PIGL: variants seen among roughly 807,000 people sequenced by gnomAD.
PIGL encodes N-acetylglucosaminyl-phosphatidylinositol de-N-acetylase.
Under a neutral mutation model 31.1 loss-of-function variants are expected in PIGL, and 22 were observed. The ratio of observed to expected loss-of-function variants is 0.71; its 90% CI spans 0.51 to 1.01. PIGL has a LOEUF of 1.01. Ranked by LOEUF, PIGL falls within the 50% of genes least tolerant of loss-of-function variation. PIGL has a pLI of 0.00. For synonymous variants in PIGL, 131 were observed against 117.4 expected (o/e 1.12, Z -0.75); for missense variants, 302 against 315.9 (o/e 0.96, Z 0.33).
intron 2 of PIGL, among the ~76,000 whole-genome samples, chr17:16,234,536 G>C (rs967453850): frequency 2.6e-5 from 4 of 152,186 alleles, no homozygotes; most frequent in African/African-American, 9.7e-5. Flanking sequence ...GGCCGAGGTG[G>C]GCAGATCACC....
chr17:16,286,158 A>G (rs1476869046), intron 2 of PIGL, among the ~76,000 whole-genome samples: 1 of 152,214 alleles, frequency 6.6e-6, no homozygotes, highest in Non-Finnish European at 1.5e-5. Context: ...CTTGCGCTGT[A>G]CAAGCCACAA....
chr17:16,287,451 A>G (rs943683971), intron 2 of PIGL, among the ~76,000 whole-genome samples: 2 of 152,248 alleles, frequency 1.3e-5, no homozygotes, highest in African/African-American at 4.8e-5. Context: ...TCCATCTGTC[A>G]GTGGCTTCTG....
At position 16,317,210 on chromosome 17, in the gene PIGL, A is replaced by G. The variant is rs369219749; in HGVS notation, c.526+498A>G. The G allele has an allele frequency of 7.0e-5, 70 of 1,005,248 alleles. 2 individuals are homozygous for G. In the East Asian group the frequency reaches 1.6e-3, roughly 23 times the overall value. The allele number at this position is 1,005,248 out of a possible 1,614,324, so 62.3% of individuals were successfully genotyped here. ...CTCACCGGCGCAATACGAAGATTCAATGAATGAAAACGTAAGTAGTTTGTG... is the reference window on the plus strand; with the variant it reads ...CTCACCGGCGCAATACGAAGATTCAGTGAATGAAAACGTAAGTAGTTTGTG... On this transcript the variant is annotated intron_variant, in intron 5 of 6. Transcript: ENST00000225609.
chr17:16,277,116 C>A (rs1487286856), intron 2 of PIGL, among the ~76,000 whole-genome samples: 1 of 152,142 alleles, frequency 6.6e-6, no homozygotes, highest in Admixed American at 6.6e-5. Context: ...TTACTTACCA[C>A]AGGTCAAGAA....
chr17:16,285,877 A>C (rs540231027), intron 2 of PIGL, among the ~76,000 whole-genome samples: 1 of 151,854 alleles, frequency 6.6e-6, no homozygotes, highest in Non-Finnish European at 1.5e-5. Context: ...CCCTGCTGCA[A>C]CCTCCCTGCA....
At chr17:16,316,093 C>T (rs2093075895) in intron 4 of PIGL, among the ~76,000 whole-genome samples, 2 of 152,110 alleles carry the variant, frequency 1.3e-5, no homozygotes, top group Admixed American at 6.6e-5. Context: ...CCCCTGCTCC[C>T]AAGAGTCTCT....
At chr17:16,300,024 A>G (rs752848130) in intron 3 of PIGL, 46 bp downstream of exon 3, 1 of 1,434,664 alleles carries the variant, frequency 7.0e-7, no homozygotes, top group East Asian at 2.3e-5. Context: ...TCTTGGTCCC[A>G]TTCACACCAG....
intron 4 of PIGL, among the ~76,000 whole-genome samples, chr17:16,315,484 T>TC: frequency 6.6e-6 from 1 of 151,924 alleles, no homozygotes; most frequent in South Asian, 2.1e-4. Context: ...GGCCCCTTGG[T>TC]CCCCCTGTCC....
intron 2 of PIGL, among the ~76,000 whole-genome samples, chr17:16,266,910 G>T (rs867142486): frequency 7.2e-5 from 10 of 138,760 alleles, no homozygotes; most frequent in South Asian, 2.4e-4. Context: ...TTTTTTTGGG[G>T]GGGGGGGGGT....
intron 2 of PIGL, among the ~76,000 whole-genome samples, chr17:16,265,107 T>C (rs899088186): frequency 6.6e-6 from 1 of 152,154 alleles, no homozygotes; most frequent in South Asian, 2.1e-4. Context: ...TATTTTTTTC[T>C]GTATGAGAAG....
intron 2 of PIGL, among the ~76,000 whole-genome samples, chr17:16,259,505 C>T (rs1349924565): frequency 1.3e-5 from 2 of 151,680 alleles, no homozygotes; most frequent in Non-Finnish European, 2.9e-5. Flanking sequence ...GACCCTGTCT[C>T]TATTCAAAAA....
At chr17:16,242,809 G>A (rs537898136) in intron 2 of PIGL, among the ~76,000 whole-genome samples, 1 of 151,440 alleles carries the variant, frequency 6.6e-6, no homozygotes, top group African/African-American at 2.4e-5. Context: ...GTAAAGATGG[G>A]GTTTCACCAT....
intron 2 of PIGL, among the ~76,000 whole-genome samples, chr17:16,270,210 A>G (rs1420315491): frequency 1.3e-5 from 2 of 150,622 alleles, no homozygotes; most frequent in Admixed American, 1.3e-4. Flanking sequence ...AATTGCTTGA[A>G]CCCAGGAGGC....
chr17:16,236,710 G>A (rs1163453823), intron 2 of PIGL, among the ~76,000 whole-genome samples: 2 of 151,914 alleles, frequency 1.3e-5, no homozygotes, highest in Non-Finnish European at 2.9e-5. Flanking sequence ...TGGGATTACA[G>A]GTACACGCCA....
At chr17:16,325,222 G>A (rs1312456662) in intron 6 of PIGL, among the ~76,000 whole-genome samples, 2 of 150,830 alleles carry the variant, frequency 1.3e-5, no homozygotes, top group African/African-American at 4.9e-5. Flanking sequence ...GCAGGTGCCT[G>A]TAGTCCCAGC....
chr17:16,233,993 G>T lies in PIGL; in HGVS notation c.258G>T (p.Glu86Asp), dbSNP rs750008015. The T allele has an allele frequency of 2.5e-6, 4 of 1,607,892 alleles. No homozygotes were observed. The African/African-American group carries it at 5.4e-5, about 22-fold the overall frequency. ...FSAGNYYNQG[E>D]TRKKELLQSC... The stretch of plus-strand genomic sequence containing the variant: ...CAGGAAATTACTACAATCAAGGAGA[G>T]ACTCGTAAGAAAGAACTTTTGCAGA... Residue 86 changes from glutamate to aspartate, a missense_variant, in exon 2 of 7, where the codon GAG becomes GAT. Physicochemically the swap from Glu to Asp is conservative, Grantham distance 45 (BLOSUM62 2). Coordinates refer to ENST00000225609, the MANE Select transcript of PIGL (RefSeq NM_004278.4).
intron 2 of PIGL, among the ~76,000 whole-genome samples, chr17:16,239,650 T>TG (rs2092714688): frequency 6.6e-6 from 1 of 152,158 alleles, no homozygotes; most frequent in Admixed American, 6.6e-5. Flanking sequence ...GTTTTGTGCT[T>TG]CAGAATGATT....
chr17:16,237,101 C>CTTTTTTT (rs71150281), intron 2 of PIGL, among the ~76,000 whole-genome samples: 4 of 58,146 alleles, frequency 6.9e-5, no homozygotes, highest in South Asian at 6.8e-4. Flanking sequence ...CCACACCTGG[C>CTTTTTTT]TTTTTTTTTT....
chr17:16,242,657 T>C (rs967625710), intron 2 of PIGL, among the ~76,000 whole-genome samples: 4 of 142,468 alleles, frequency 2.8e-5, no homozygotes, highest in Non-Finnish European at 6.1e-5. Context: ...TTTTTTTTTT[T>C]TTTTTTTTTT....
Sources: gnomAD v4.1 joint callset for allele counts (sites outside exome capture counted in the v4.1 genomes callset) on GRCh38, gnomAD v4.1.1 for gene constraint, MANE v1.5 for transcripts, NCBI Gene and HGNC (gene_info 2026-07-23, HGNC 2026-07-21) for gene names.